The following ACADSB variants were observed in gnomAD, a reference collection of about 807,000 sequenced individuals.
ACADSB encodes the protein short/branched chain specific acyl-CoA dehydrogenase, mitochondrial.
ACADSB carries 40 observed loss-of-function variants against 54.1 expected under a neutral mutation model. That is an observed-to-expected ratio of 0.74 (90% CI 0.57 to 0.96). The LOEUF is 0.96. ACADSB is among the 40% of genes least tolerant of loss of function. ACADSB has a pLI of 0.00. For missense variants in ACADSB, 530 were observed against 510.4 expected (o/e 1.04, Z -0.37); for synonymous variants, 182 against 182.8 (o/e 1.00, Z 0.03).
rs774205809 is a variant in ACADSB at position 123,051,160 on chromosome 10, T to C, written c.1102T>C (p.Ser368Pro). 143 of 1,476,178 alleles carry C rather than the reference T, an allele frequency of 9.7e-5. No individual in the cohort carries two copies. The Admixed American group carries it at 1.5e-3, about 15-fold the overall frequency. 91.4% of individuals were successfully genotyped at this position (1,476,178 alleles called of 1,614,324 possible). ...TGGAAAGCCATTCATAAAAGAAGCGTCAATGGCCAAATACTATGCATCAGA... is the reference window on the plus strand; with the variant it reads ...TGGAAAGCCATTCATAAAAGAAGCGCCAATGGCCAAATACTATGCATCAGA... ...EAGKPFIKEA[S>P]MAKYYASEIA... The change falls in exon 9 of 11, where the codon TCA becomes CCA. Residue 368 changes from serine to proline, a missense_variant. Physicochemically the swap from Ser to Pro is moderately conservative, Grantham distance 74. Coordinates refer to ENST00000358776, the MANE Select transcript of ACADSB (RefSeq NM_001609.4).
intron 1 of ACADSB, among the ~76,000 whole-genome samples, chr10:123,029,578 A>G (rs1850300651): frequency 6.6e-6 from 1 of 152,234 alleles, no homozygotes; most frequent in Non-Finnish European, 1.5e-5. Context: ...CGCTAACTGC[A>G]TCTTTAACTC....
At chr10:123,033,089 T>G (rs777034763) in intron 1 of ACADSB, among the ~76,000 whole-genome samples, 6 of 152,216 alleles carry the variant, frequency 3.9e-5, no homozygotes, top group Non-Finnish European at 8.8e-5. Context: ...ATGTCCCCTT[T>G]GTCCTCCTTT....
chr10:123,045,160 TA>T (rs1564752999), intron 7 of ACADSB, among the ~76,000 whole-genome samples: 281 of 15,046 alleles, frequency 0.019, 10 homozygotes, highest in African/African-American at 0.069. Flanking sequence ...TATATATATA[TA>T]TATATATATA....
chr10:123,041,393 C>T lies in ACADSB; in HGVS notation c.681+14C>T, dbSNP rs748185849. On this transcript the variant is annotated intron_variant, in intron 5 of 10. Transcript: ENST00000358776. ...GACCCTACCATTGTAAGTTTGAAAA[C>T]GAAATTTCTTTCTTTTTCCAAACCC... 45 of 1,613,632 alleles carry T rather than the reference C, an allele frequency of 2.8e-5. No individual in the cohort carries two copies. The highest frequency in any genetic ancestry group is 1.3e-4 in the Admixed American group (8 of 59,992).
chr10:123,044,448 G>A lies in ACADSB; in HGVS notation c.863G>A (p.Gly288Glu), dbSNP rs1272263004. Residue 288 changes from glycine (G) to glutamate (E), a missense_variant, in exon 7 of 11, where the codon GGG becomes GAG. Coordinates refer to ENST00000358776, the MANE Select transcript of ACADSB (RefSeq NM_001609.4). The stretch of plus-strand genomic sequence containing the variant: ...GGACATGGCTATAAGTATGCCATAG[G>A]GAGTCTCAATGAAGGTAGAATAGGA... The part of the protein sequence containing the change: ...QIGHGYKYAI[G>E]SLNEGRIGIA... 10 of 1,613,774 alleles carry A rather than the reference G, an allele frequency of 6.2e-6. No homozygotes were observed. Among genetic ancestry groups the A allele is most frequent in the African/African-American group, 5.3e-5 (4 of 74,892 alleles).
At chr10:123,047,089 G>A in intron 7 of ACADSB, 120 bp from the exon 8 acceptor site, 2 of 803,456 alleles carry the variant, frequency 2.5e-6, no homozygotes, top group Non-Finnish European at 4.2e-6. Flanking sequence ...CACCACCTCA[G>A]CATCTCCAGT....
At position 123,040,931 on chromosome 10, in the gene ACADSB, T is replaced by C. The variant is rs780413384; in HGVS notation, c.510+259T>C. Among the ~76,000 whole-genome samples, 87 of 152,240 alleles carry C rather than the reference T, an allele frequency of 5.7e-4. 2 individuals carry two copies. Among genetic ancestry groups the C allele is most frequent in the Non-Finnish European group, 4.4e-5 (3 of 68,050 alleles). On this transcript the variant is annotated intron_variant, in intron 4 of 10. Coordinates refer to ENST00000358776, the MANE Select transcript of ACADSB (RefSeq NM_001609.4). ...CTGATTATATTTTCTAATACGTTTGTTGATGGTTTCATTTACGTTGTGATG... is the reference window on the plus strand; with the variant it reads ...CTGATTATATTTTCTAATACGTTTGCTGATGGTTTCATTTACGTTGTGATG...
intron 1 of ACADSB, among the ~76,000 whole-genome samples, chr10:123,026,002 G>A (rs1321759475): frequency 1.3e-5 from 2 of 151,938 alleles, no homozygotes; most frequent in Non-Finnish European, 2.9e-5. Context: ...TTCTTGGGGG[G>A]AGGTTGCAGT....
intron 7 of ACADSB, among the ~76,000 whole-genome samples, chr10:123,045,581 A>G (rs1850551486): frequency 6.6e-6 from 1 of 152,128 alleles, no homozygotes; most frequent in Non-Finnish European, 1.5e-5. Flanking sequence ...TAAATATTAG[A>G]TTATTACTCT....
chr10:123,009,064 G>A lies in ACADSB; in HGVS notation c.35G>A (p.Ser12Asn), dbSNP rs1289547849. ...CTGGCAGTGCGGTTGCTGCGCGGCA[G>A]CAGGCTGGTGAGTGCGTTCGAGGCT... ...EGLAVRLLRG[S>N]RLLRRNFLTC... Residue 12 changes from serine (S) to asparagine (N), a missense_variant, in exon 1 of 11, where the codon AGC (serine) becomes AAC (asparagine). Physicochemically the swap from Ser to Asn is conservative, Grantham distance 46. Coordinates refer to ENST00000358776, the MANE Select transcript of ACADSB (RefSeq NM_001609.4). 6.5e-7 allele frequency: 1 copy of A among 1,547,386 alleles called. No homozygotes were observed. Among genetic ancestry groups the A allele is most frequent in the South Asian group, 1.2e-5 (1 of 84,036 alleles).
At chr10:123,009,368 C>T (rs1403903281) in intron 1 of ACADSB, among the ~76,000 whole-genome samples, 4 of 152,134 alleles carry the variant, frequency 2.6e-5, no homozygotes, top group Non-Finnish European at 4.4e-5. Context: ...GCCGTTGCGT[C>T]CTGAGAGCCA....
intron 1 of ACADSB, among the ~76,000 whole-genome samples, chr10:123,013,763 C>T (rs1850073675): frequency 6.6e-6 from 1 of 152,240 alleles, no homozygotes; most frequent in Non-Finnish European, 1.5e-5. Context: ...AAGCCCCTCA[C>T]TGCCCGGGGC....
intron 8 of ACADSB, among the ~76,000 whole-genome samples, chr10:123,050,122 T>C (rs1850609041): frequency 6.6e-6 from 1 of 152,242 alleles, no homozygotes; most frequent in Non-Finnish European, 1.5e-5. Flanking sequence ...TGTAGGGTAT[T>C]AACAAACAGT....
At chr10:123,036,233 G>A (rs763873079) in intron 2 of ACADSB, among the ~76,000 whole-genome samples, 17 of 152,072 alleles carry the variant, frequency 1.1e-4, no homozygotes, top group South Asian at 2.1e-4. Context: ...GATTACAGGC[G>A]TGTGCCACCA....
chr10:123,046,254 T>A (rs1195915462), intron 7 of ACADSB, among the ~76,000 whole-genome samples: 1 of 152,198 alleles, frequency 6.6e-6, no homozygotes, highest in African/African-American at 2.4e-5. Context: ...TAAAAGAAAA[T>A]GTGAATGAAT....
At position 123,041,219 on chromosome 10, in the gene ACADSB, T is replaced by A. The variant is rs370481981; in HGVS notation, c.521T>A (p.Phe174Tyr). 1.2e-6 allele frequency: 2 copies of A among 1,614,194 alleles called. No homozygotes were observed. Among genetic ancestry groups the A allele is most frequent in the Admixed American group, 1.7e-5 (1 of 60,026 alleles). ...TTCTCCCATATGTAGGTAGGAAGTTTCTGCCTTTCAGAGGCTGGAGCAGGT... is the reference window on the plus strand; with the variant it reads ...TTCTCCCATATGTAGGTAGGAAGTTACTGCCTTTCAGAGGCTGGAGCAGGT... Reference protein sequence around the residue: ...PQLTTEKVGSFCLSEAGAGSD... With the variant: ...PQLTTEKVGSYCLSEAGAGSD... Residue 174 changes from phenylalanine to tyrosine, a missense_variant, in exon 5 of 11, where the codon TTC (phenylalanine) becomes TAC (tyrosine). Coordinates refer to ENST00000358776, the MANE Select transcript of ACADSB (RefSeq NM_001609.4).
At chr10:123,036,095 T>C (rs2133476090) in intron 2 of ACADSB, among the ~76,000 whole-genome samples, 1 of 147,910 alleles carries the variant, frequency 6.8e-6, no homozygotes, top group East Asian at 2.0e-4. Context: ...CTTTTCTTTC[T>C]TTTTTTTTTG....
rs1281143106 is a variant in ACADSB, at chr10:123,049,172, T to C, written c.990+1874T>C. ...CAACATTATTATAGCTGTATAATGC[T>C]TTGATTAAAGTTAGTGGAGTTTTTT... On this transcript the variant is annotated intron_variant, in intron 8 of 10. Coordinates refer to ENST00000358776, the MANE Select transcript of ACADSB (RefSeq NM_001609.4). 2.6e-5 allele frequency among the ~76,000 whole-genome samples: 4 copies of C among 152,356 alleles called. No homozygotes were observed. The East Asian group carries it at 7.7e-4, about 29-fold the overall frequency.
chr10:123,036,945 T>C (rs10902864), intron 2 of ACADSB, among the ~76,000 whole-genome samples: 34,736 of 152,232 alleles, frequency 0.23, 4,061 homozygotes, highest in South Asian at 0.31. Flanking sequence ...TGGTATTACA[T>C]TGGTAGTAAA....
Sources: gnomAD v4.1 joint callset for allele counts (sites outside exome capture counted in the v4.1 genomes callset) on GRCh38, gnomAD v4.1.1 for gene constraint, MANE v1.5 for transcripts, NCBI Gene and HGNC (gene_info 2026-07-23, HGNC 2026-07-21) for gene names.